CNOT4: variants seen among roughly 807,000 people sequenced by gnomAD.
CNOT4 encodes the protein CCR4-associated factor 4.
A neutral mutation model predicts 73.8 loss-of-function variants in CNOT4; 8 were observed. The ratio of observed to expected loss-of-function variants is 0.11; its 90% CI spans 0.06 to 0.20. The LOEUF (loss-of-function observed/expected upper bound fraction) is 0.20, where lower values mean the gene tolerates loss of function less well. Ranked by LOEUF, CNOT4 falls within the 10% of genes least tolerant of loss-of-function variation. CNOT4 has a pLI of 1.00. For synonymous variants in CNOT4, 293 were observed against 321.1 expected (o/e 0.91, Z 0.94); for missense variants, 564 against 883.4 (o/e 0.64, Z 4.58).
At chr7:135,439,704 C>T (rs112209222) in intron 1 of CNOT4, among the ~76,000 whole-genome samples, 4 of 152,250 alleles carry the variant, frequency 2.6e-5, no homozygotes, top group African/African-American at 9.6e-5. Context: ...CGCTTGAGCC[C>T]AGGAGTTCAA....
intron 10 of CNOT4, chr7:135,388,284 A>T (rs1322745475): frequency 1.0e-6 from 1 of 985,226 alleles, no homozygotes; most frequent in Non-Finnish European, 1.2e-6. Flanking sequence ...ACTAAAAACA[A>T]TCGCCAACAA....
chr7:135,362,505 G>C lies in CNOT4; in HGVS notation c.*380C>G. 1 of 348,048 alleles carries C rather than the reference G, an allele frequency of 2.9e-6. No homozygotes were observed. The highest frequency in any genetic ancestry group is 5.5e-6 in the Non-Finnish European group (1 of 181,852). The allele number at this position is 348,048 out of a possible 1,614,324, so 21.6% of individuals were successfully genotyped here. A position where few individuals can be genotyped will look rare whatever the true frequency, so the allele number is the denominator to read the frequency against. On this transcript the variant is annotated 3_prime_UTR_variant, in exon 12 of 12. Coordinates refer to ENST00000541284, the MANE Select transcript of CNOT4 (RefSeq NM_001190850.2). ...TTTTCAAACTTCTGCAGTTGATAATGCATTTACTTGAGCTTTCCTATAGAT... is the reference window on the plus strand; with the variant it reads ...TTTTCAAACTTCTGCAGTTGATAATCCATTTACTTGAGCTTTCCTATAGAT...
intron 1 of CNOT4, among the ~76,000 whole-genome samples, chr7:135,480,631 T>C (rs1283508882): frequency 1.3e-5 from 2 of 152,190 alleles, no homozygotes; most frequent in African/African-American, 4.8e-5. Flanking sequence ...ACATAGCTCA[T>C]TGCAGTTTCA....
intron 1 of CNOT4, among the ~76,000 whole-genome samples, chr7:135,463,539 C>CA (rs1801013394): frequency 7.5e-6 from 1 of 134,036 alleles, no homozygotes; most frequent in South Asian, 2.5e-4. Context: ...CTTCATCCCC[C>CA]CACCCAAAAA....
chr7:135,388,840 A>AACTCATTCATTAC, intron 10 of CNOT4: 1 of 1,613,238 alleles, frequency 6.2e-7, no homozygotes, highest in Non-Finnish European at 8.5e-7. Context: ...TCCTTGTTGT[A>AACTCATTCATTAC]ATGAATGGGA....
intron 7 of CNOT4, among the ~76,000 whole-genome samples, chr7:135,406,535 C>T (rs2129483895): frequency 6.6e-6 from 1 of 152,020 alleles, no homozygotes; most frequent in South Asian, 2.1e-4. Context: ...TTGATGTGCA[C>T]CTGTAGTTTC....
intron 7 of CNOT4, among the ~76,000 whole-genome samples, chr7:135,408,730 T>C (rs1010280323): frequency 2.0e-5 from 3 of 152,006 alleles, no homozygotes; most frequent in African/African-American, 7.3e-5. Flanking sequence ...GAAACCAGAG[T>C]GCCCAGAGGA....
At chr7:135,417,558 T>A (rs1160793029) in intron 3 of CNOT4, among the ~76,000 whole-genome samples, 1 of 152,212 alleles carries the variant, frequency 6.6e-6, no homozygotes, top group Non-Finnish European at 1.5e-5. Context: ...GGCCAACGTT[T>A]GGGTGTAACA....
intron 10 of CNOT4, among the ~76,000 whole-genome samples, chr7:135,391,170 TC>T (rs1313418198): frequency 1.3e-5 from 2 of 152,272 alleles, no homozygotes; most frequent in African/African-American, 4.8e-5. Context: ...TCACTTTCTG[TC>T]ATTTCTAATA....
At chr7:135,387,630 TCTTC>T in intron 10 of CNOT4, 1 of 984,234 alleles carries the variant, frequency 1.0e-6, no homozygotes, top group Non-Finnish European at 1.2e-6. Flanking sequence ...ACTTTCCCTT[TCTTC>T]CCAGATGCTT....
chr7:135,396,106 C>CTTT (rs1796668452), intron 8 of CNOT4, among the ~76,000 whole-genome samples: 1 of 116,008 alleles, frequency 8.6e-6, no homozygotes, highest in Non-Finnish European at 1.7e-5. Context: ...AACTAGTCTC[C>CTTT]CTTTTTTTTT....
At chr7:135,376,783 A>T (rs1795546125) in intron 10 of CNOT4, among the ~76,000 whole-genome samples, 1 of 152,216 alleles carries the variant, frequency 6.6e-6, no homozygotes, top group Non-Finnish European at 1.5e-5. Flanking sequence ...TAAGCATTTA[A>T]ATCAACATAA....
In CNOT4 at chr7:135,412,049, GACA is replaced by G. The variant is rs201740825; in HGVS notation, c.688-1404_688-1402del. On this transcript the variant is annotated intron_variant, in intron 6 of 11. Coordinates refer to ENST00000541284, the MANE Select transcript of CNOT4 (RefSeq NM_001190850.2). ...CTAAAGAAGAGCAAGATAAATTCAGGACAACATTATGAAATTAGTTTTAAATTA... is the reference window on the plus strand; with the variant it reads ...CTAAAGAAGAGCAAGATAAATTCAGGACATTATGAAATTAGTTTTAAATTA... Among the ~76,000 whole-genome samples the G allele has an allele frequency of 6.6e-3, 1,000 of 151,928 alleles. 5 individuals are homozygous for G. The highest frequency in any genetic ancestry group is 0.01 in the Non-Finnish European group (688 of 67,802).
At chr7:135,504,484 T>TTAA (rs1554447779) in intron 1 of CNOT4, among the ~76,000 whole-genome samples, 6 of 67,062 alleles carry the variant, frequency 8.9e-5, no homozygotes, top group East Asian at 2.9e-4. Context: ...TTTTTTTTTT[T>TTAA]TTTTTATTTT....
At chr7:135,405,865 G>A (rs1239675023) in intron 7 of CNOT4, among the ~76,000 whole-genome samples, 1 of 152,064 alleles carries the variant, frequency 6.6e-6, no homozygotes, top group Non-Finnish European at 1.5e-5. Flanking sequence ...TAAGCTTAGA[G>A]CCTCAATCTA....
At position 135,429,425 on chromosome 7, in the gene CNOT4, T is replaced by C. The variant is rs143584467; in HGVS notation, c.175-7072A>G. ...AGTTGCCTCTTCCTAGAAATAATCA[T>C]GTTGACTCTTTTAGATGATTCTTTG... On this transcript the variant is annotated intron_variant, in intron 2 of 11. Coordinates refer to ENST00000541284, the MANE Select transcript of CNOT4 (RefSeq NM_001190850.2). 2.3e-3 allele frequency among the ~76,000 whole-genome samples: 344 copies of C among 152,302 alleles called. 13 individuals are homozygous for C. In the East Asian group the frequency reaches 0.055, roughly 24 times the overall value.
At chr7:135,471,962 C>A (rs1266666635) in intron 1 of CNOT4, among the ~76,000 whole-genome samples, 2 of 150,742 alleles carry the variant, frequency 1.3e-5, no homozygotes, top group Non-Finnish European at 3.0e-5. Context: ...CACTTGAGCT[C>A]AGGAGTTCCA....
chr7:135,366,222 G>A (rs550144617), intron 10 of CNOT4, among the ~76,000 whole-genome samples: 1 of 152,218 alleles, frequency 6.6e-6, no homozygotes, highest in East Asian at 1.9e-4. Flanking sequence ...CCTAACTTTT[G>A]CTTTACCATT....
intron 1 of CNOT4, among the ~76,000 whole-genome samples, chr7:135,463,217 G>T (rs1037229052): frequency 4.6e-5 from 7 of 152,082 alleles, no homozygotes; most frequent in Non-Finnish European, 8.8e-5. Flanking sequence ...ATGGATTAAA[G>T]ACTTAAATGT....
Sources: allele counts gnomAD v4.1 joint callset (sites outside exome capture counted in the v4.1 genomes callset), GRCh38; gene constraint gnomAD v4.1.1; transcripts MANE v1.5; gene names NCBI Gene and HGNC (gene_info 2026-07-23, HGNC 2026-07-21).